KANSL1L: variants seen among roughly 807,000 people sequenced by gnomAD.
KANSL1L encodes the protein KAT8 regulatory NSL complex subunit 1 like, also known as KAT8 regulatory NSL complex subunit 1-like protein.
KANSL1L carries 25 observed loss-of-function variants against 108.6 expected under a neutral mutation model. The ratio of observed to expected loss-of-function variants is 0.23; its 90% CI spans 0.17 to 0.32. The LOEUF is 0.32. Ranked by LOEUF, KANSL1L falls within the 10% of genes least tolerant of loss-of-function variation. The probability of loss-of-function intolerance (pLI) is 1.00; values close to 1 mark genes in which losing one functional copy is unlikely to be tolerated. For synonymous variants in KANSL1L, 405 were observed against 395.1 expected, an observed-to-expected ratio of 1.03 and a Z score of -0.30; for missense variants, 1,137 against 1,125.7, an observed-to-expected ratio of 1.01 and a Z score of -0.14.
intron 3 of KANSL1L, among the ~76,000 whole-genome samples, chr2:210,119,636 C>T (rs1443376514): frequency 6.6e-6 from 1 of 152,126 alleles, no homozygotes; most frequent in African/African-American, 2.4e-5. Context: ...GAAAATTCAA[C>T]ATCCTTCATG....
At chr2:210,170,043 A>G (rs181657561) in intron 1 of KANSL1L, among the ~76,000 whole-genome samples, 107 of 152,314 alleles carry the variant, frequency 7.0e-4, no homozygotes, top group African/African-American at 2.4e-3. Flanking sequence ...ATGGCTAGTT[A>G]TTAAGAACGG....
chr2:210,169,993 GA>G (rs1433852163), intron 1 of KANSL1L, among the ~76,000 whole-genome samples: 1 of 152,098 alleles, frequency 6.6e-6, no homozygotes, highest in African/African-American at 2.4e-5. Flanking sequence ...TTACAAAAAC[GA>G]AACAAGTTTG....
At chr2:210,110,070 T>C (rs546292760) in intron 3 of KANSL1L, among the ~76,000 whole-genome samples, 11 of 152,304 alleles carry the variant, frequency 7.2e-5, no homozygotes, top group Admixed American at 2.0e-4. Flanking sequence ...GGCAGTTCCA[T>C]GTACTGACAA....
chr2:210,096,362 G>T, intron 5 of KANSL1L: 1 of 271,694 alleles, frequency 3.7e-6, no homozygotes, highest in Non-Finnish European at 5.6e-6. Flanking sequence ...CAACCAGACT[G>T]TGAGTTATTC....
chr2:210,061,571 T>A (rs1017988987), intron 6 of KANSL1L, among the ~76,000 whole-genome samples: 9 of 152,230 alleles, frequency 5.9e-5, no homozygotes, highest in African/African-American at 2.2e-4. Flanking sequence ...TGAAAAACAT[T>A]TTCACATCTA....
chr2:210,104,075 T>G (rs770574542), intron 4 of KANSL1L, 29 bp downstream of exon 4: 36 of 1,534,416 alleles, frequency 2.3e-5, no homozygotes, highest in Non-Finnish European at 3.3e-5. Flanking sequence ...AGTCATTTCA[T>G]ACCACTGATA....
intron 3 of KANSL1L, among the ~76,000 whole-genome samples, chr2:210,121,495 G>A (rs531920765): frequency 3.2e-4 from 49 of 152,106 alleles, no homozygotes; most frequent in Non-Finnish European, 6.8e-4. Flanking sequence ...GGGCCTTTTG[G>A]AGAATGGAGG....
At chr2:210,041,074 C>A (rs971524166) in intron 7 of KANSL1L, among the ~76,000 whole-genome samples, 1 of 152,098 alleles carries the variant, frequency 6.6e-6, no homozygotes, top group Non-Finnish European at 1.5e-5. Flanking sequence ...TATTATATAT[C>A]ACAATGAATA....
Position 210,024,059 on chromosome 2 carries a change from A to C in KANSL1L, c.2707T>G (p.Ser903Ala), listed in dbSNP as rs1477449558. Residue 903 changes from serine (S) to alanine (A), a missense_variant, in exon 14 of 15, where the codon TCT (serine) becomes GCT (alanine). Transcript: ENST00000281772. ...TTGGTTTCTTGACTTTGATTTAAAG[A>C]AGGTAAGCCATATGCACACAGATCC... ...NQDLCAYGLP[S>A]LNQSQETKSL... 6.3e-7 allele frequency: 1 copy of C among 1,582,566 alleles called. No individual in the cohort carries two copies. Among genetic ancestry groups the C allele is most frequent in the East Asian group, 2.3e-5 (1 of 43,386 alleles).
chr2:210,106,553 G>GATC (rs2094848610), intron 3 of KANSL1L, among the ~76,000 whole-genome samples: 1 of 152,022 alleles, frequency 6.6e-6, no homozygotes, highest in African/African-American at 2.4e-5. Context: ...TGGATCACTT[G>GATC]AGGCCAGGAG....
chr2:210,084,497 A>G (rs532796197), intron 5 of KANSL1L, among the ~76,000 whole-genome samples: 2 of 152,368 alleles, frequency 1.3e-5, no homozygotes, highest in East Asian at 3.9e-4. Context: ...AAAAAGCTTC[A>G]GATATAATAT....
At chr2:210,104,618 G>A (rs1391719361) in intron 3 of KANSL1L, among the ~76,000 whole-genome samples, 1 of 152,052 alleles carries the variant, frequency 6.6e-6, no homozygotes, top group Non-Finnish European at 1.5e-5. Flanking sequence ...CACAGAACAT[G>A]GACATTTCAG....
At chr2:210,107,534 ATT>A (rs71395572) in intron 3 of KANSL1L, among the ~76,000 whole-genome samples, 3,937 of 117,456 alleles carry the variant, frequency 0.034, 187 homozygotes, top group African/African-American at 0.082. Context: ...ATATATATAT[ATT>A]TTTTTTTTTT....
At chr2:210,032,938 T>C (rs2094040203) in intron 8 of KANSL1L, 1 of 152,218 alleles carries the variant, frequency 6.6e-6, no homozygotes, top group Non-Finnish European at 1.5e-5. Flanking sequence ...AGAGGCCCTC[T>C]GGAGAAATGT....
In KANSL1L at chr2:210,153,473, CTAA is replaced by C. The variant is rs1236148527; in HGVS notation, c.1088+19_1088+21del. On this transcript the variant is annotated intron_variant, in intron 2 of 14. Transcript: ENST00000281772. ...TGCTATATATGGAACAGAAAATAGTCTAATAATAATTTTGCACTTACACTGCCA... is the reference window on the plus strand; with the variant it reads ...TGCTATATATGGAACAGAAAATAGTCTAATAATTTTGCACTTACACTGCCA... 1.3e-6 allele frequency: 2 copies of C among 1,596,594 alleles called. No homozygotes were observed. Among genetic ancestry groups the C allele is most frequent in the Non-Finnish European group, 1.7e-6 (2 of 1,165,058 alleles).
At chr2:210,096,660 TA>T in intron 5 of KANSL1L, 1 of 983,296 alleles carries the variant, frequency 1.0e-6, no homozygotes, top group Non-Finnish European at 1.2e-6. Flanking sequence ...TACATTCACC[TA>T]CATTATGACT....
intron 7 of KANSL1L, among the ~76,000 whole-genome samples, chr2:210,043,172 G>A (rs866208954): frequency 5.9e-5 from 9 of 152,010 alleles, no homozygotes; most frequent in Admixed American, 1.3e-4. Context: ...GATCACGTGA[G>A]GCTAGAAGTT....
chr2:210,044,189 T>C lies in KANSL1L; in HGVS notation c.1756-85A>G. 1.0e-6 allele frequency: 1 copy of C among 971,168 alleles called. No homozygotes were observed. The highest frequency in any genetic ancestry group is 1.7e-5 in the African/African-American group (1 of 59,018). The allele number at this position is 971,168 out of a possible 1,614,324, so 60.2% of individuals were successfully genotyped here. A position where few individuals can be genotyped will look rare whatever the true frequency, so the allele number is the denominator to read the frequency against. ...TACATTTATTTAGGTTATCTTTAAATAAAATTTTCCAGTTCTACAAAAAGT... is the reference window on the plus strand; with the variant it reads ...TACATTTATTTAGGTTATCTTTAAACAAAATTTTCCAGTTCTACAAAAAGT... On this transcript the variant is annotated intron_variant, in intron 6 of 14. Coordinates refer to ENST00000281772, the MANE Select transcript of KANSL1L (RefSeq NM_152519.4). The surrounding 1 kb of genome is among the most constrained non-coding windows in gnomAD (Gnocchi z 4.2).
At chr2:210,145,500 CAAT>C (rs2095259147) in intron 2 of KANSL1L, among the ~76,000 whole-genome samples, 4 of 152,212 alleles carry the variant, frequency 2.6e-5, no homozygotes, top group Admixed American at 1.3e-4. Flanking sequence ...CACACAGCTA[CAAT>C]GTTTCTGGGG....
Sources: gnomAD v4.1 joint callset for allele counts (sites outside exome capture counted in the v4.1 genomes callset) on GRCh38, gnomAD v4.1.1 for gene constraint, Gnocchi (gnomAD v3.1) non-coding constraint, MANE v1.5 for transcripts, NCBI Gene and HGNC (gene_info 2026-07-23, HGNC 2026-07-21) for gene names.